Variants in LPAR4 observed in about 807,000 individuals in gnomAD.
The protein encoded by LPAR4 is G-protein coupled receptor 23.
In LPAR4, 14 loss-of-function variants were observed where a neutral mutation model predicts 9.2. The observed-to-expected ratio is 1.51, with a 90% CI of 1.00 to 2.37. The LOEUF (loss-of-function observed/expected upper bound fraction) is 2.37, where lower values mean the gene tolerates loss of function less well. Ranked by LOEUF, LPAR4 falls within the 30% of genes most tolerant of loss-of-function variation. The probability of loss-of-function intolerance (pLI) is 0.00; values close to 1 mark genes in which losing one functional copy is unlikely to be tolerated. For missense variants in LPAR4, 251 were observed against 272.1 expected (o/e 0.92, Z 0.55); for synonymous variants, 131 against 97.9 (o/e 1.34, Z -1.99).
Position 78,756,167 on chromosome X carries a change from T to C in LPAR4, c.*185T>C. The C allele has an allele frequency of 2.4e-6, 1 of 422,830 alleles. No homozygotes were observed. Among genetic ancestry groups the C allele is most frequent in the South Asian group, 4.6e-5 (1 of 21,506 alleles). The allele number at this position is 422,830 out of a possible 1,213,427, so 34.8% of individuals were successfully genotyped here. A position where few individuals can be genotyped will look rare whatever the true frequency, so the allele number is the denominator to read the frequency against. ...TCAGTAATTATAGGTCAAATCTAAT[T>C]ACAACAACCAAGATGGATTGCCAAA... is the stretch of plus-strand genomic sequence containing the variant. On this transcript the variant is annotated 3_prime_UTR_variant, in exon 5 of 5. Transcript: ENST00000614823.
In LPAR4 at chrX:78,758,577, C is replaced by T. The variant is rs1925403056; in HGVS notation, c.*2595C>T. On this transcript the variant is annotated 3_prime_UTR_variant, in exon 5 of 5. Coordinates refer to ENST00000614823, the MANE Select transcript of LPAR4 (RefSeq NM_001278000.3). ...CTAATAATAAAACTTGTCACATTAA[C>T]AATGTAACCAAGAAAATGTAAAGTA... Among the ~76,000 whole-genome samples, 1 of 111,306 alleles carries T rather than the reference C, an allele frequency of 9.0e-6. No individual in the cohort carries two copies. Among genetic ancestry groups the T allele is most frequent in the African/African-American group, 3.3e-5 (1 of 30,726 alleles).
Position 78,756,650 on chromosome X carries a change from A to T in LPAR4, c.*668A>T, listed in dbSNP as rs1925306722. On this transcript the variant is annotated 3_prime_UTR_variant, in exon 5 of 5. Transcript: ENST00000614823. Reference sequence around the variant, plus strand: ...TACACCAAATTAAAATTTTCATGTCAAACTTCAAAGCCAGAAAGCTGCTAA... The same window carrying T: ...TACACCAAATTAAAATTTTCATGTCTAACTTCAAAGCCAGAAAGCTGCTAA... 1 of 123,150 alleles carries T rather than the reference A, an allele frequency of 8.1e-6. No homozygotes were observed. The highest frequency in any genetic ancestry group is 3.6e-4 in the South Asian group (1 of 2,747). 10.1% of individuals were successfully genotyped at this position (123,150 alleles called of 1,213,427 possible).
At position 78,756,972 on chromosome X, in the gene LPAR4, G is replaced by A. The variant is rs1296741202; in HGVS notation, c.*990G>A. The A allele has an allele frequency of 8.3e-6, 1 of 120,365 alleles. No individual in the cohort carries two copies. The allele number at this position is 120,365 out of a possible 1,213,427, so 9.9% of individuals were successfully genotyped here. The stretch of plus-strand genomic sequence containing the variant: ...AAACCTGAATTAATCCTTTTTGGAG[G>A]GAGGAGTAGAGATATATAACCTGAA... On this transcript the variant is annotated 3_prime_UTR_variant, in exon 5 of 5. Transcript: ENST00000614823.
chrX:78,750,788 C>T lies in LPAR4; in HGVS notation c.-186C>T, dbSNP rs1254321568. On this transcript the variant is annotated 5_prime_UTR_variant, in exon 3 of 5. Coordinates refer to ENST00000614823, the MANE Select transcript of LPAR4 (RefSeq NM_001278000.3). ...AAAGAAAAAAAGAAAAAAAAAAGAC[C>T]CAATGTAAGTTCATGCCAAAACAAA... 1.8e-5 allele frequency: 2 copies of T among 110,303 alleles called. No homozygotes were observed. Among genetic ancestry groups the T allele is most frequent in the African/African-American group, 6.6e-5 (2 of 30,397 alleles). 9.1% of individuals were successfully genotyped at this position (110,303 alleles called of 1,213,427 possible). A position where few individuals can be genotyped will look rare whatever the true frequency, so the allele number is the denominator to read the frequency against.
At chrX:78,753,949 T>C (rs1036080537) in intron 4 of LPAR4, among the ~76,000 whole-genome samples, 1 of 111,482 alleles carries the variant, frequency 9.0e-6, no homozygotes, top group African/African-American at 3.3e-5. Context: ...GAATGTAATG[T>C]TTTCTTGTCT....
At position 78,757,678 on chromosome X, in the gene LPAR4, C is replaced by T. The variant is rs1026993132; in HGVS notation, c.*1696C>T. 1.4e-4 allele frequency among the ~76,000 whole-genome samples: 16 copies of T among 111,240 alleles called. No individual in the cohort carries two copies. Among genetic ancestry groups the T allele is most frequent in the African/African-American group, 4.6e-4 (14 of 30,687 alleles). On this transcript the variant is annotated 3_prime_UTR_variant, in exon 5 of 5. Transcript: ENST00000614823. Reference sequence around the variant, plus strand: ...GTCAGGAGCAGTGGAAATAAACCCTCGTATACACACATACACAGCAGCAGC... The same window carrying T: ...GTCAGGAGCAGTGGAAATAAACCCTTGTATACACACATACACAGCAGCAGC...
At chrX:78,750,884 T>C (rs1344020539) in intron 3 of LPAR4, 92 bp downstream of exon 3, 1 of 111,686 alleles carries the variant, frequency 9.0e-6, no homozygotes, top group Middle Eastern at 4.2e-3. Flanking sequence ...TTTTTATGTC[T>C]TTTGTCACTC....
In LPAR4 at chrX:78,747,919, A is replaced by AAAAAAC. The variant is rs1239792524; in HGVS notation, c.-405_-404insCAAAAA. 3.3e-3 allele frequency: 344 copies of AAAAAAC among 104,520 alleles called. 3 individuals are homozygous for AAAAAAC. Among genetic ancestry groups the AAAAAAC allele is most frequent in the African/African-American group, 0.011 (323 of 28,898 alleles). The allele number at this position is 104,520 out of a possible 1,213,427, so 8.6% of individuals were successfully genotyped here. On this transcript the variant is annotated 5_prime_UTR_variant, in exon 1 of 5. Transcript: ENST00000614823. Reference sequence around the variant, plus strand: ...GTAAAAAAAAAAAAAAAAAAAAAAAAAAAAAAATGGATAAAAATATGCACT... The same window carrying AAAAAAC: ...GTAAAAAAAAAAAAAAAAAAAAAAAAAAAAACAAAAAAATGGATAAAAATATGCACT...
intron 4 of LPAR4, among the ~76,000 whole-genome samples, chrX:78,751,730 G>A (rs921829603): frequency 9.0e-6 from 1 of 111,097 alleles, no homozygotes; most frequent in Non-Finnish European, 1.9e-5. Flanking sequence ...GTTATTTTGG[G>A]AACACCCAAA....
chrX:78,747,895 T>C lies in LPAR4; in HGVS notation c.-434T>C. On this transcript the variant is annotated 5_prime_UTR_variant, in exon 1 of 5. Transcript: ENST00000614823. ...TTTAGGCTGGGCTAACCTTTCCCTG[T>C]AAAAAAAAAAAAAAAAAAAAAAAAA... 1 of 40,859 alleles carries C rather than the reference T, an allele frequency of 2.4e-5. No homozygotes were observed. The highest frequency in any genetic ancestry group is 4.2e-4 in the East Asian group (1 of 2,380). The allele number at this position is 40,859 out of a possible 1,213,427, so 3.4% of individuals were successfully genotyped here.
Position 78,755,838 on chromosome X carries a change from C to T in LPAR4, c.969C>T (p.Tyr323=), listed in dbSNP as rs766193974. 1.2e-5 allele frequency: 14 copies of T among 1,208,755 alleles called. No individual in the cohort carries two copies. In the Middle Eastern group the frequency reaches 1.4e-3, roughly 119 times the overall value. Residue 323 remains tyrosine, a synonymous_variant, in exon 5 of 5, where the codon TAC becomes TAT. Coordinates refer to ENST00000614823, the MANE Select transcript of LPAR4 (RefSeq NM_001278000.3). ...TTGAATCCTTTCAGAAGTCCTTCTA[C>T]ATCAATGCCCACATCAGAATGGAGT... ...FTLESFQKSF[Y]INAHIRMESL...
rs143714219 is a variant in LPAR4, at chrX:78,755,029, C to A, written c.160C>A (p.Leu54Met). ...AVYSVVFILG[L>M]ITNSVSLFVF... The stretch of plus-strand genomic sequence containing the variant: ...CTACAGTGTTGTATTCATCTTGGGT[C>A]TGATAACCAACAGTGTCTCTCTGTT... The change falls in exon 5 of 5, where the codon CTG becomes ATG. Residue 54 changes from leucine (L) to methionine (M), a missense_variant. Leu to Met is a conservative substitution (Grantham distance 15). Coordinates refer to ENST00000614823, the MANE Select transcript of LPAR4 (RefSeq NM_001278000.3). The A allele has an allele frequency of 7.6e-4, 913 of 1,207,920 alleles. 3 individuals are homozygous for A. The African/African-American group carries it at 0.014, about 18-fold the overall frequency.
intron 3 of LPAR4, 43 bp from the exon 4 acceptor site, chrX:78,751,167 G>T (rs1429135653): frequency 9.0e-6 from 1 of 110,989 alleles, no homozygotes; most frequent in Non-Finnish European, 1.9e-5. Flanking sequence ...AAAGCTATCA[G>T]CTCTCTTTAT....
At chrX:78,754,626 A>T (rs890322183) in intron 4 of LPAR4, among the ~76,000 whole-genome samples, 165 bp from the exon 5 acceptor site, 6 of 111,414 alleles carry the variant, frequency 5.4e-5, no homozygotes, top group Non-Finnish European at 9.4e-5. Context: ...CCTGCAACAT[A>T]CTCTTGTAGT....
In LPAR4 at chrX:78,754,943, C is replaced by G; in HGVS notation, c.74C>G (p.Ala25Gly). The change falls in exon 5 of 5, where the codon GCT becomes GGT. Residue 25 changes from alanine (A) to glycine (G), a missense_variant. Ala to Gly is a moderately conservative substitution (Grantham distance 60). Transcript: ENST00000614823. Reference sequence around the variant, plus strand: ...AGCCTCAGACCCAGGTTGGGCAATGCTACTGCCAATAATACTTGCATTGTT... The same window carrying G: ...AGCCTCAGACCCAGGTTGGGCAATGGTACTGCCAATAATACTTGCATTGTT... ...NSSLRPRLGNATANNTCIVDD... is the reference protein window; with the variant it reads ...NSSLRPRLGNGTANNTCIVDD... 1.7e-6 allele frequency: 2 copies of G among 1,205,052 alleles called. No homozygotes were observed. Among genetic ancestry groups the G allele is most frequent in the Non-Finnish European group, 2.2e-6 (2 of 890,077 alleles).
Position 78,755,962 on chromosome X carries a change from A to G in LPAR4, c.1093A>G (p.Met365Val). ...DQTTNNGGEL[M>V]LESTF ...AACAACAAATAATGGTGGTGAATTA[A>G]TGCTAGAATCCACCTTTTAGGTATG... Residue 365 changes from methionine to valine, a missense_variant, in exon 5 of 5, where the codon ATG becomes GTG. Transcript: ENST00000614823. The G allele has an allele frequency of 8.3e-7, 1 of 1,204,966 alleles. No homozygotes were observed. The highest frequency in any genetic ancestry group is 1.8e-5 in the South Asian group (1 of 55,946).
chrX:78,752,794 A>G (rs936796804), intron 4 of LPAR4, among the ~76,000 whole-genome samples: 2 of 111,442 alleles, frequency 1.8e-5, no homozygotes, highest in Non-Finnish European at 3.8e-5. Context: ...TTTGTTTTCA[A>G]TGTATGATCT....
Position 78,755,764 on chromosome X carries a change from C to T in LPAR4, c.895C>T (p.Leu299Phe). The T allele has an allele frequency of 8.3e-7, 1 of 1,209,482 alleles. No individual in the cohort carries two copies. The highest frequency in any genetic ancestry group is 1.8e-5 in the South Asian group (1 of 56,916). Reference protein sequence around the residue: ...AKIMYPITLCLATLNCCFDPF... With the variant: ...AKIMYPITLCFATLNCCFDPF... ...GATCATGTACCCAATCACCTTGTGCCTTGCAACTCTGAACTGTTGTTTTGA... is the reference window on the plus strand; with the variant it reads ...GATCATGTACCCAATCACCTTGTGCTTTGCAACTCTGAACTGTTGTTTTGA... The change falls in exon 5 of 5, where the codon CTT becomes TTT. Residue 299 changes from leucine (L) to phenylalanine (F), a missense_variant. Leu to Phe is a conservative substitution (Grantham distance 22). Transcript: ENST00000614823.
intron 4 of LPAR4, 72 bp downstream of exon 4, chrX:78,751,383 T>A (rs974661250): frequency 9.0e-6 from 1 of 111,491 alleles, no homozygotes; most frequent in African/African-American, 3.3e-5. Context: ...AACTGCAAAT[T>A]CCTAATTTAA....
Sources: allele counts gnomAD v4.1 joint callset (sites outside exome capture counted in the v4.1 genomes callset), GRCh38; gene constraint gnomAD v4.1.1; transcripts MANE v1.5; gene names NCBI Gene and HGNC (gene_info 2026-07-23, HGNC 2026-07-21).